LY96: variants seen among roughly 807,000 people sequenced by gnomAD.
LY96 encodes the protein lymphocyte antigen 96.
In LY96, 18 loss-of-function variants were observed where a neutral mutation model predicts 18.9. That is an observed-to-expected ratio of 0.95 (90% CI 0.66 to 1.41). The LOEUF (loss-of-function observed/expected upper bound fraction) is 1.41, where lower values mean the gene tolerates loss of function less well. Among genes scored for constraint, LY96 ranks in the 40% most tolerant of loss-of-function variants. The pLI, the probability that LY96 is intolerant of heterozygous loss-of-function variation, is 0.00. For missense variants in LY96, 175 were observed against 182.4 expected (o/e 0.96, Z 0.23); for synonymous variants, 66 against 62.6 (o/e 1.06, Z -0.26).
chr8:74,007,514 A>T (rs16938758), intron 2 of LY96, among the ~76,000 whole-genome samples: 37,097 of 152,082 alleles, frequency 0.24, 5,785 homozygotes, highest in African/African-American at 0.44. Flanking sequence ...CCTTATTTTT[A>T]TGGCCTCATT....
At position 74,004,855 on chromosome 8, in the gene LY96, A is replaced by G. The variant is rs1563712137; in HGVS notation, c.172A>G (p.Lys58Glu). The G allele has an allele frequency of 2.5e-6, 4 of 1,591,942 alleles. No homozygotes were observed. The highest frequency in any genetic ancestry group is 1.1e-5 in the South Asian group (1 of 90,702). The change falls in exon 2 of 5, where the codon AAA (lysine) becomes GAA (glutamate). Residue 58 changes from lysine to glutamate, a missense_variant. Coordinates refer to ENST00000284818, the MANE Select transcript of LY96 (RefSeq NM_015364.5). Reference sequence around the variant, plus strand: ...CCCCTGTATAGAATTGAAAAGATCCAAAGGATTATTGCACATTTTCTACAT... The same window carrying G: ...CCCCTGTATAGAATTGAAAAGATCCGAAGGATTATTGCACATTTTCTACAT... The part of the protein sequence containing the change: ...VNPCIELKRS[K>E]GLLHIFYIPR...
the LY96 span, chr8:74,052,789 A>G: frequency 6.6e-6 from 1 of 152,194 alleles, no homozygotes; most frequent in Non-Finnish European, 1.5e-5. Flanking sequence ...ATTCAGATCT[A>G]AGGGGACCAG....
At chr8:74,039,079 G>T in the LY96 span, among the ~76,000 whole-genome samples, 1 of 152,182 alleles carries the variant, frequency 6.6e-6, no homozygotes. Context: ...TTTAACTGGG[G>T]TGAGATATCT....
the LY96 span, among the ~76,000 whole-genome samples, chr8:74,061,664 A>G: frequency 6.6e-6 from 1 of 152,210 alleles, no homozygotes; most frequent in African/African-American, 2.4e-5. Flanking sequence ...TTTTCAAAAA[A>G]AGAGGTTATA....
chr8:74,021,780 A>G (rs1024749197), intron 3 of LY96, among the ~76,000 whole-genome samples: 6 of 152,214 alleles, frequency 3.9e-5, no homozygotes, highest in Non-Finnish European at 8.8e-5. Flanking sequence ...AGGGACATGG[A>G]TGAAGCTGGA....
At chr8:74,015,446 G>T (rs1330605571) in intron 3 of LY96, among the ~76,000 whole-genome samples, 1 of 152,114 alleles carries the variant, frequency 6.6e-6, no homozygotes, top group African/African-American at 2.4e-5. Context: ...CTTGTAGATG[G>T]TCATCTTCTT....
chr8:74,022,224 A>G (rs1816778324), intron 3 of LY96, among the ~76,000 whole-genome samples: 1 of 152,112 alleles, frequency 6.6e-6, no homozygotes, highest in Admixed American at 6.6e-5. Flanking sequence ...CCTGGCCTAC[A>G]TGGTGAAACC....
the LY96 span, among the ~76,000 whole-genome samples, chr8:74,073,491 G>A: frequency 6.6e-6 from 1 of 152,122 alleles, no homozygotes; most frequent in South Asian, 2.1e-4. Flanking sequence ...CATGTAGCAG[G>A]GAGGGATGGA....
chr8:74,003,237 G>A (rs969937956), intron 1 of LY96, among the ~76,000 whole-genome samples: 29 of 152,140 alleles, frequency 1.9e-4, no homozygotes, highest in African/African-American at 7.0e-4. Context: ...GAAAGCAAGA[G>A]GATCTTTATT....
the LY96 span, among the ~76,000 whole-genome samples, chr8:74,072,914 G>GAT: frequency 2.6e-5 from 4 of 152,166 alleles, no homozygotes; most frequent in Admixed American, 2.0e-4. Flanking sequence ...ACTGCTAGCA[G>GAT]ATATATATAC....
At chr8:73,997,152 C>T (rs143818435) in intron 1 of LY96, among the ~76,000 whole-genome samples, 7 of 152,316 alleles carry the variant, frequency 4.6e-5, no homozygotes, top group African/African-American at 7.2e-5. Flanking sequence ...CCACCGTGTC[C>T]GGCCTTAAAC....
chr8:74,026,352 G>T (rs1816871644), intron 3 of LY96, among the ~76,000 whole-genome samples: 1 of 152,218 alleles, frequency 6.6e-6, no homozygotes, highest in African/African-American at 2.4e-5. Context: ...GAGCTTCTCA[G>T]TGGTGTAATT....
chr8:74,069,624 A>G, the LY96 span, among the ~76,000 whole-genome samples: 1 of 152,012 alleles, frequency 6.6e-6, no homozygotes, highest in Non-Finnish European at 1.5e-5. Flanking sequence ...GTTTTTTGAG[A>G]CAGAGTATTA....
At chr8:74,081,018 C>CTT in the LY96 span, among the ~76,000 whole-genome samples, 1 of 131,628 alleles carries the variant, frequency 7.6e-6, no homozygotes. Context: ...TTCTTTCTTT[C>CTT]TTTCTTTCTT....
At chr8:74,015,449 A>G (rs574532424) in intron 3 of LY96, among the ~76,000 whole-genome samples, 51 of 152,244 alleles carry the variant, frequency 3.3e-4, no homozygotes, top group African/African-American at 1.1e-3. Context: ...GTAGATGGTC[A>G]TCTTCTTCCT....
At chr8:74,041,985 GC>G in the LY96 span, among the ~76,000 whole-genome samples, 1 of 152,080 alleles carries the variant, frequency 6.6e-6, no homozygotes, top group Non-Finnish European at 1.5e-5. Flanking sequence ...GCTCAGGTGG[GC>G]ATCATGGTCC....
chr8:74,087,640 T>A, the LY96 span, among the ~76,000 whole-genome samples: 6,680 of 152,088 alleles, frequency 0.044, 269 homozygotes, highest in African/African-American at 0.11. Flanking sequence ...GCTTGGGGAG[T>A]TTTTGTTTCT....
chr8:74,032,289 TTG>T (rs1371480131), downstream of LY96, among the ~76,000 whole-genome samples: 1 of 152,220 alleles, frequency 6.6e-6, no homozygotes, highest in Non-Finnish European at 1.5e-5. Flanking sequence ...ACCCCTCATA[TTG>T]TCTTATGCCC....
the LY96 span, among the ~76,000 whole-genome samples, chr8:74,064,473 T>C: frequency 6.6e-6 from 1 of 152,196 alleles, no homozygotes; most frequent in Admixed American, 6.5e-5. Flanking sequence ...TGTTTATTTT[T>C]AAAAATTGTT....
Sources: allele counts gnomAD v4.1 joint callset (sites outside exome capture counted in the v4.1 genomes callset), GRCh38; gene constraint gnomAD v4.1.1; transcripts MANE v1.5; gene names NCBI Gene and HGNC (gene_info 2026-07-23, HGNC 2026-07-21).